Variants in MAP4K3 observed in about 807,000 individuals in gnomAD.
The protein encoded by MAP4K3 is MAPK/ERK kinase kinase kinase 3.
MAP4K3 carries 94 observed loss-of-function variants against 143.5 expected under a neutral mutation model. The observed-to-expected ratio is 0.65, with a 90% confidence interval of 0.55 to 0.78. The LOEUF (loss-of-function observed/expected upper bound fraction) is 0.78. Ranked by LOEUF, MAP4K3 falls within the 30% of genes least tolerant of loss-of-function variation. MAP4K3 has a pLI of 0.00. For synonymous variants in MAP4K3, 416 were observed against 347.2 expected, an observed-to-expected ratio of 1.20 and a Z score of -2.20; for missense variants, 1,077 against 1,068.1, an observed-to-expected ratio of 1.01 and a Z score of -0.12.
intron 23 of MAP4K3, among the ~76,000 whole-genome samples, chr2:39,279,357 G>T (rs1407352470): frequency 6.6e-6 from 1 of 152,090 alleles, no homozygotes; most frequent in Non-Finnish European, 1.5e-5. Flanking sequence ...GCACCAATTG[G>T]CTATAAACAA....
intron 1 of MAP4K3, among the ~76,000 whole-genome samples, chr2:39,419,350 T>C (rs1004309346): frequency 6.6e-6 from 1 of 152,180 alleles, no homozygotes. Context: ...AAATACATTG[T>C]CTAAAATCTT....
intron 1 of MAP4K3, among the ~76,000 whole-genome samples, chr2:39,382,947 G>A (rs1007127132): frequency 5.3e-5 from 8 of 152,194 alleles, no homozygotes; most frequent in Admixed American, 1.3e-4. Context: ...AAGGGATGGG[G>A]AAAAGGGCAC....
chr2:39,370,743 T>C (rs576592808), intron 2 of MAP4K3, among the ~76,000 whole-genome samples: 2 of 152,302 alleles, frequency 1.3e-5, no homozygotes, highest in Admixed American at 6.5e-5. Context: ...AGTTTCCCCA[T>C]TTAGAAGAGT....
chr2:39,302,349 A>G (rs1340997914), intron 15 of MAP4K3, among the ~76,000 whole-genome samples: 1 of 152,220 alleles, frequency 6.6e-6, no homozygotes, highest in Non-Finnish European at 1.5e-5. Flanking sequence ...TAAGTAAAAT[A>G]TTACTTTAAA....
In MAP4K3 at chr2:39,336,959, A is replaced by G. The variant is rs748457801; in HGVS notation, c.375T>C (p.Tyr125=). 7.4e-7 allele frequency: 1 copy of G among 1,348,070 alleles called. No individual in the cohort carries two copies. Among genetic ancestry groups the G allele is most frequent in the Non-Finnish European group, 1.0e-6 (1 of 965,756 alleles). The allele number at this position is 1,348,070 out of a possible 1,614,324, so 83.5% of individuals were successfully genotyped here. ...YVSRETLQGL[Y]YLHSKGKMHR... is the part of the protein sequence containing the mutation. ...GCATTTTTCCTTTACTGTGAAGATA[A>G]TATAATCCCTGGAGTTTCAAAAAAC... The change falls in exon 6 of 34, where the codon TAT becomes TAC. Residue 125 remains tyrosine (Y), a synonymous_variant. Coordinates refer to ENST00000263881, the MANE Select transcript of MAP4K3 (RefSeq NM_003618.4).
intron 2 of MAP4K3, among the ~76,000 whole-genome samples, chr2:39,364,906 AG>A (rs1665877746): frequency 1.3e-5 from 2 of 151,738 alleles, no homozygotes; most frequent in South Asian, 4.2e-4. Context: ...GCAGAGACCA[AG>A]GTTTTATCAT....
rs148411410 is a variant in MAP4K3, at chr2:39,250,693, C to T, written c.2610G>A (p.Leu870=). The change falls in exon 34 of 34, where the codon TTG becomes TTA. Residue 870 remains leucine (L), a synonymous_variant. Coordinates refer to ENST00000263881, the MANE Select transcript of MAP4K3 (RefSeq NM_003618.4). The part of the protein sequence containing the change: ...RLLGSDRVVV[L]ESRPTDNPTA... The stretch of plus-strand genomic sequence containing the variant: ...TGGGGTTATCAGTTGGCCTACTTTC[C>T]AAAACCACGACCCTGAAAGTAATAA... 481 of 1,613,294 alleles carry T rather than the reference C, an allele frequency of 3.0e-4. No individual in the cohort carries two copies. The highest frequency in any genetic ancestry group is 2.6e-4 in the Non-Finnish European group (306 of 1,179,528).
At chr2:39,292,264 T>C (rs1002716752) in intron 18 of MAP4K3, among the ~76,000 whole-genome samples, 1 of 152,174 alleles carries the variant, frequency 6.6e-6, no homozygotes, top group Non-Finnish European at 1.5e-5. Flanking sequence ...TGGACTGAAA[T>C]GTGTCACTAT....
At chr2:39,333,466 G>C in intron 7 of MAP4K3, 66 bp downstream of exon 7, 1 of 1,278,944 alleles carries the variant, frequency 7.8e-7, no homozygotes, top group East Asian at 2.3e-5. Context: ...TCCTACAAAG[G>C]AAAACATAAA....
chr2:39,265,917 T>C (rs1381644710), intron 27 of MAP4K3, among the ~76,000 whole-genome samples: 1 of 151,996 alleles, frequency 6.6e-6, no homozygotes, highest in Non-Finnish European at 1.5e-5. Context: ...AAAGTAAATA[T>C]ATGTGAAGTA....
At chr2:39,321,530 T>C (rs931841029) in intron 12 of MAP4K3, among the ~76,000 whole-genome samples, 4 of 152,142 alleles carry the variant, frequency 2.6e-5, no homozygotes, top group East Asian at 1.9e-4. Context: ...GTCTGAAATA[T>C]GGCCTCGTGG....
At chr2:39,331,143 T>A (rs560752813) in intron 8 of MAP4K3, among the ~76,000 whole-genome samples, 1 of 152,114 alleles carries the variant, frequency 6.6e-6, no homozygotes, top group African/African-American at 2.4e-5. Flanking sequence ...TGACTGCTGA[T>A]GAGTCAGATG....
intron 31 of MAP4K3, 125 bp downstream of exon 31, chr2:39,258,223 T>C (rs1297679642): frequency 1.7e-5 from 13 of 744,290 alleles, no homozygotes; most frequent in South Asian, 1.4e-4. Context: ...TGAGCCACCA[T>C]GCCCAGCCAT....
At chr2:39,355,359 C>CAAAAAAA (rs34355105) in intron 3 of MAP4K3, among the ~76,000 whole-genome samples, 1 of 34,540 alleles carries the variant, frequency 2.9e-5, no homozygotes, top group Non-Finnish European at 5.5e-5. Context: ...GACTCCACCT[C>CAAAAAAA]AAAAAAAAAA....
chr2:39,325,500 G>A lies in MAP4K3; in HGVS notation c.918+18C>T. On this transcript the variant is annotated intron_variant, in intron 12 of 33. Transcript: ENST00000263881. ...CATATACATGTTATATATGCCCGCT[G>A]GTAAAAGCAATTCCTACCTCAGGAT... 1.3e-6 allele frequency: 2 copies of A among 1,564,604 alleles called. No individual in the cohort carries two copies. Among genetic ancestry groups the A allele is most frequent in the South Asian group, 2.2e-5 (2 of 89,482 alleles).
intron 27 of MAP4K3, 85 bp downstream of exon 27, chr2:39,267,104 G>C (rs1345435005): frequency 1.6e-6 from 2 of 1,265,330 alleles, no homozygotes; most frequent in Middle Eastern, 1.9e-4. Flanking sequence ...AGTATTGCTG[G>C]CAGAATGCCC....
At chr2:39,292,052 T>G (rs1301722788) in intron 18 of MAP4K3, among the ~76,000 whole-genome samples, 3 of 151,504 alleles carry the variant, frequency 2.0e-5, no homozygotes, top group Non-Finnish European at 4.4e-5. Context: ...AAAAAAAAAG[T>G]AAACATCAAT....
intron 1 of MAP4K3, among the ~76,000 whole-genome samples, chr2:39,435,404 C>G (rs1665429469): frequency 6.6e-6 from 1 of 152,220 alleles, no homozygotes. Context: ...TCAGGCTATA[C>G]AGGCCTTCTT....
At chr2:39,414,036 G>T (rs1667301875) in intron 1 of MAP4K3, among the ~76,000 whole-genome samples, 1 of 152,094 alleles carries the variant, frequency 6.6e-6, no homozygotes, top group African/African-American at 2.4e-5. Flanking sequence ...ATATCTGCTA[G>T]AGAACATGAT....
Sources: allele counts gnomAD v4.1 joint callset (sites outside exome capture counted in the v4.1 genomes callset), GRCh38; gene constraint gnomAD v4.1.1; transcripts MANE v1.5; gene names NCBI Gene and HGNC (gene_info 2026-07-23, HGNC 2026-07-21).